Variants in MRPL42 observed in about 807,000 individuals in gnomAD.
The protein encoded by MRPL42 is large ribosomal subunit protein mL42.
In MRPL42, 17 loss-of-function variants were observed where a neutral mutation model predicts 17.9. The observed-to-expected ratio is 0.95, with a 90% confidence interval of 0.65 to 1.42. The LOEUF is 1.42. MRPL42 is among the 40% of genes most tolerant of loss of function. The pLI, the probability that MRPL42 is intolerant of heterozygous loss-of-function variation, is 0.00. For missense variants in MRPL42, 177 were observed against 175.2 expected, an observed-to-expected ratio of 1.01 and a Z score of -0.06; for synonymous variants, 59 against 54.4, an observed-to-expected ratio of 1.08 and a Z score of -0.37.
At chr12:93,477,126 C>A (rs1386515165) in intron 3 of MRPL42, 109 bp downstream of exon 3, 11 of 802,750 alleles carry the variant, frequency 1.4e-5, no homozygotes, top group Non-Finnish European at 1.7e-5. Context: ...ATTATTCTTT[C>A]CTTAATTTTG....
At chr12:93,479,331 T>C in intron 3 of MRPL42, 57 bp from the exon 4 acceptor site, 2 of 1,052,134 alleles carry the variant, frequency 1.9e-6, no homozygotes, top group Non-Finnish European at 2.6e-6. Flanking sequence ...AAAAAAAAGG[T>C]AATCATTTTG....
In MRPL42 at chr12:93,487,896, A is replaced by G. The variant is rs574725583; in HGVS notation, c.383+236A>G. On this transcript the variant is annotated intron_variant, in intron 5 of 5. Coordinates refer to ENST00000549982, the MANE Select transcript of MRPL42 (RefSeq NM_014050.4). ...ACTGCAGCCTCAACCTCCAGTGCTC[A>G]AGTGATCTTCGCACTTTAGCCTTCC... 647 of 377,754 alleles carry G rather than the reference A, an allele frequency of 1.7e-3. 2 individuals are homozygous for G. The highest frequency in any genetic ancestry group is 2.6e-3 in the Non-Finnish European group (541 of 212,018). 23.4% of individuals were successfully genotyped at this position (377,754 alleles called of 1,614,324 possible). A position where few individuals can be genotyped will look rare whatever the true frequency, so the allele number is the denominator to read the frequency against.
chr12:93,478,928 TTA>T (rs1326855234), intron 3 of MRPL42, among the ~76,000 whole-genome samples: 3 of 150,172 alleles, frequency 2.0e-5, no homozygotes, highest in Non-Finnish European at 3.0e-5. Context: ...ATTTATTTAT[TTA>T]TTTATTTATT....
rs151146637 is a variant in MRPL42, at chr12:93,487,255, C to T, written c.220-242C>T. ...TGGGATTACAGGCATGAGCCACTCA[C>T]TGCACCTGGCCTAAATAAGAACTTT... On this transcript the variant is annotated intron_variant, in intron 4 of 5. Coordinates refer to ENST00000549982, the MANE Select transcript of MRPL42 (RefSeq NM_014050.4). Among the ~76,000 whole-genome samples the T allele has an allele frequency of 1.9e-3, 282 of 152,310 alleles. 2 individuals carry two copies. The highest frequency in any genetic ancestry group is 6.0e-3 in the African/African-American group (250 of 41,570).
chr12:93,483,435 A>G (rs1880560675), intron 4 of MRPL42, among the ~76,000 whole-genome samples: 1 of 152,218 alleles, frequency 6.6e-6, no homozygotes, highest in Non-Finnish European at 1.5e-5. Context: ...TATTGCTCCC[A>G]GGCTGCAAAC....
intron 5 of MRPL42, among the ~76,000 whole-genome samples, chr12:93,497,875 C>G (rs1953535742): frequency 6.6e-6 from 1 of 151,054 alleles, no homozygotes; most frequent in Non-Finnish European, 1.5e-5. Context: ...AGGCCTACAA[C>G]TACCTACATG....
Position 93,516,007 on chromosome 12 carries a change from A to G in MRPL42, c.*14786A>G, listed in dbSNP as rs1182013670. Reference sequence around the variant, plus strand: ...GTCCCAGCTCTAGTCTGCCTTCCCTATAGAGAAGATGTATTGAGATAATCA... The same window carrying G: ...GTCCCAGCTCTAGTCTGCCTTCCCTGTAGAGAAGATGTATTGAGATAATCA... On this transcript the variant is annotated 3_prime_UTR_variant, in exon 6 of 6. Transcript: ENST00000549982. 1 of 152,170 alleles carries G rather than the reference A, an allele frequency of 6.6e-6. No homozygotes were observed. The highest frequency in any genetic ancestry group is 1.5e-5 in the Non-Finnish European group (1 of 68,026). The allele number at this position is 152,170 out of a possible 1,614,324, so 9.4% of individuals were successfully genotyped here. A position where few individuals can be genotyped will look rare whatever the true frequency, so the allele number is the denominator to read the frequency against.
intron 3 of MRPL42, 52 bp downstream of exon 3, chr12:93,477,069 T>A (rs1322992501): frequency 7.9e-7 from 1 of 1,263,442 alleles, no homozygotes. Context: ...ATAGCTGAAA[T>A]GATTTAATTT....
intron 2 of MRPL42, among the ~76,000 whole-genome samples, chr12:93,474,991 A>G (rs7972702): frequency 0.52 from 79,235 of 151,864 alleles, 20,732 homozygotes; most frequent in Non-Finnish European, 0.53. Flanking sequence ...TACTCGAGGG[A>G]CTGAGGTAGG....
rs1953655566 is a variant in MRPL42, at chr12:93,505,163, A to C, written c.*3942A>C. On this transcript the variant is annotated 3_prime_UTR_variant, in exon 6 of 6. Coordinates refer to ENST00000549982, the MANE Select transcript of MRPL42 (RefSeq NM_014050.4). ...CCCTAATTCTACTTGCCTGTAGCTA[A>C]ACACCTAATAACATTAGAACTGAAA... 1.3e-5 allele frequency: 2 copies of C among 152,168 alleles called. No individual in the cohort carries two copies. Among genetic ancestry groups the C allele is most frequent in the African/African-American group, 4.8e-5 (2 of 41,436 alleles). 9.4% of individuals were successfully genotyped at this position (152,168 alleles called of 1,614,324 possible).
intron 5 of MRPL42, among the ~76,000 whole-genome samples, chr12:93,499,743 A>G (rs539795490): frequency 6.6e-6 from 1 of 152,164 alleles, no homozygotes; most frequent in South Asian, 2.1e-4. Context: ...CGTTCATTTC[A>G]ACTTAATTCC....
intron 5 of MRPL42, among the ~76,000 whole-genome samples, chr12:93,495,814 C>G (rs1953489689): frequency 1.3e-5 from 2 of 152,084 alleles, no homozygotes; most frequent in Non-Finnish European, 2.9e-5. Flanking sequence ...AATGGATAAA[C>G]CCATGTAACC....
chr12:93,476,844 GT>G, intron 2 of MRPL42, 109 bp from the exon 3 acceptor site: 1 of 1,018,158 alleles, frequency 9.8e-7, no homozygotes, highest in East Asian at 2.4e-5. Flanking sequence ...GCACAGGCCT[GT>G]TTCATACTAA....
rs1953707834 is a variant in MRPL42 at position 93,509,602 on chromosome 12, C to T, written c.*8381C>T. On this transcript the variant is annotated 3_prime_UTR_variant, in exon 6 of 6. Transcript: ENST00000549982. ...GAGCTATGTCAATCAGGTGTTTGCA[C>T]TAAGTTCAGCATAAATGTAGTGACC... 1 of 151,964 alleles carries T rather than the reference C, an allele frequency of 6.6e-6. No individual in the cohort carries two copies. The highest frequency in any genetic ancestry group is 6.6e-5 in the Admixed American group (1 of 15,244). The allele number at this position is 151,964 out of a possible 1,614,324, so 9.4% of individuals were successfully genotyped here.
intron 4 of MRPL42, among the ~76,000 whole-genome samples, chr12:93,482,922 C>G (rs955990730): frequency 6.6e-6 from 1 of 151,122 alleles, no homozygotes; most frequent in Non-Finnish European, 1.5e-5. Flanking sequence ...GACAGAGTCT[C>G]ACTCTGTCAA....
chr12:93,515,300 AAGG>A lies in MRPL42; in HGVS notation c.*14082_*14084del, dbSNP rs1223412470. On this transcript the variant is annotated 3_prime_UTR_variant, in exon 6 of 6. Transcript: ENST00000549982. ...CAAATGATAATGGCCTGGATTAAGG[AAGG>A]AGAAGAGGGGACCAAGAAATGCCAG... The A allele has an allele frequency of 6.6e-6, 1 of 152,146 alleles. No individual in the cohort carries two copies. Among genetic ancestry groups the A allele is most frequent in the African/African-American group, 2.4e-5 (1 of 41,402 alleles). 9.4% of individuals were successfully genotyped at this position (152,146 alleles called of 1,614,324 possible).
At chr12:93,486,543 G>A (rs1880749529) in intron 4 of MRPL42, among the ~76,000 whole-genome samples, 1 of 152,088 alleles carries the variant, frequency 6.6e-6, no homozygotes, top group Admixed American at 6.6e-5. Context: ...TCACCATGTT[G>A]GCCAGGCTAG....
At chr12:93,496,071 T>A (rs1434066837) in intron 5 of MRPL42, among the ~76,000 whole-genome samples, 1 of 152,182 alleles carries the variant, frequency 6.6e-6, no homozygotes, top group Non-Finnish European at 1.5e-5. Flanking sequence ...GTTTTTGTTT[T>A]TGTTTGACAC....
At chr12:93,485,013 T>C (rs900216584) in intron 4 of MRPL42, among the ~76,000 whole-genome samples, 127 of 111,578 alleles carry the variant, frequency 1.1e-3, no homozygotes, top group African/African-American at 1.9e-3. Flanking sequence ...TATATATATA[T>C]ATATATATAT....
Sources: allele counts gnomAD v4.1 joint callset (sites outside exome capture counted in the v4.1 genomes callset), GRCh38; gene constraint gnomAD v4.1.1; transcripts MANE v1.5; gene names NCBI Gene and HGNC (gene_info 2026-07-23, HGNC 2026-07-21).